Variants in ZCCHC7 observed in about 807,000 individuals in gnomAD.
The protein encoded by ZCCHC7 is zinc finger CCHC domain-containing protein 7.
ZCCHC7 carries 35 observed loss-of-function variants against 52.0 expected under a neutral mutation model. The ratio of observed to expected loss-of-function variants is 0.67; its 90% CI spans 0.51 to 0.89. The LOEUF is 0.89. Among genes scored for constraint, ZCCHC7 ranks in the 40% least tolerant of loss-of-function variants. ZCCHC7 has a pLI of 0.00. For missense variants in ZCCHC7, 574 were observed against 649.1 expected, an observed-to-expected ratio of 0.88 and a Z score of 1.26; for synonymous variants, 217 against 221.5, an observed-to-expected ratio of 0.98 and a Z score of 0.18.
rs185749129 is a variant in ZCCHC7, at chr9:37,166,290, G to A, written c.610+39348G>A. ...GCACACCTGTAGTCCCAGGTACTCG[G>A]GAGGCTGAGGCAGGAGAATTGCTTG... On this transcript the variant is annotated intron_variant, in intron 2 of 8. Transcript: ENST00000336755. Among the ~76,000 whole-genome samples the A allele has an allele frequency of 5.5e-3, 830 of 152,234 alleles. 5 individuals are homozygous for A. The highest frequency in any genetic ancestry group is 0.019 in the African/African-American group (783 of 41,520).
chr9:37,216,530 T>C (rs1462498567), intron 2 of ZCCHC7, among the ~76,000 whole-genome samples: 3 of 151,968 alleles, frequency 2.0e-5, no homozygotes, highest in Non-Finnish European at 1.5e-5. Context: ...CAAAATTAGC[T>C]GGGCATGGTG....
At chr9:37,286,767 A>T (rs1421601481) in intron 2 of ZCCHC7, among the ~76,000 whole-genome samples, 1 of 150,148 alleles carries the variant, frequency 6.7e-6, no homozygotes, top group Non-Finnish European at 1.5e-5. Flanking sequence ...TTTTTTTATT[A>T]ATTTAATCTT....
At chr9:37,317,722 TAAAAAAC>T (rs2117941951) in intron 5 of ZCCHC7, among the ~76,000 whole-genome samples, 1 of 151,854 alleles carries the variant, frequency 6.6e-6, no homozygotes, top group East Asian at 1.9e-4. Context: ...CAAGAAAGTA[TAAAAAAC>T]AAAAAGCATA....
In ZCCHC7 at chr9:37,312,559, A is replaced by G. The variant is rs1377581900; in HGVS notation, c.951+6845A>G. Among the ~76,000 whole-genome samples the G allele has an allele frequency of 6.6e-5, 10 of 152,358 alleles. No individual in the cohort carries two copies. The South Asian group carries it at 2.1e-3, about 32-fold the overall frequency. On this transcript the variant is annotated intron_variant, in intron 5 of 8. Coordinates refer to ENST00000336755, the MANE Select transcript of ZCCHC7 (RefSeq NM_032226.3). ...GTAGAAAGTGTGACGTAGACCTAAG[A>G]AGGGAGCCAAGTAACTGTGTCTTTT...
intron 2 of ZCCHC7, among the ~76,000 whole-genome samples, chr9:37,260,874 A>G (rs1826834012): frequency 6.6e-6 from 1 of 152,212 alleles, no homozygotes. Flanking sequence ...TGGAGTTCAG[A>G]CAAACTGCTC....
intron 2 of ZCCHC7, chr9:37,205,176 GGTTT>G (rs564841638): frequency 3.0e-4 from 107 of 358,548 alleles, no homozygotes; most frequent in Middle Eastern, 2.9e-3. Context: ...GCCCTTAACT[GGTTT>G]GTTTACAACA....
At position 37,204,526 on chromosome 9, in the gene ZCCHC7, G is replaced by C. The variant is rs543037078; in HGVS notation, c.610+77584G>C. On this transcript the variant is annotated intron_variant, in intron 2 of 8. Transcript: ENST00000336755. ...GTCCAATTTCGGTTTTCTGTATATG[G>C]CTAGACAGTTTTCCCAGCACCATTT... Among the ~76,000 whole-genome samples the C allele has an allele frequency of 3.3e-5, 5 of 152,208 alleles. No individual in the cohort carries two copies. In the South Asian group the frequency reaches 6.2e-4, roughly 19 times the overall value.
At chr9:37,277,202 A>G (rs963212621) in intron 2 of ZCCHC7, among the ~76,000 whole-genome samples, 1 of 152,242 alleles carries the variant, frequency 6.6e-6, no homozygotes, top group Non-Finnish European at 1.5e-5. Context: ...AAGTTCTGCT[A>G]CTGGTAATGG....
chr9:37,319,117 A>G (rs952425767), intron 5 of ZCCHC7, among the ~76,000 whole-genome samples: 1 of 151,838 alleles, frequency 6.6e-6, no homozygotes, highest in Non-Finnish European at 1.5e-5. Context: ...TTTAGTTTGC[A>G]TTTTCTAATG....
intron 2 of ZCCHC7, among the ~76,000 whole-genome samples, chr9:37,296,317 G>C (rs1276287440): frequency 6.6e-6 from 1 of 152,134 alleles, no homozygotes; most frequent in African/African-American, 2.4e-5. Flanking sequence ...TAAAAAGAAG[G>C]TGTGGACAAT....
intron 5 of ZCCHC7, among the ~76,000 whole-genome samples, chr9:37,319,353 A>G (rs1829962590): frequency 1.3e-5 from 2 of 152,236 alleles, no homozygotes. Context: ...GTTCTCAGGC[A>G]GAGCAGAAGT....
chr9:37,313,675 G>C (rs1192370749), intron 5 of ZCCHC7, among the ~76,000 whole-genome samples: 1 of 152,156 alleles, frequency 6.6e-6, no homozygotes, highest in African/African-American at 2.4e-5. Flanking sequence ...TCTTGCAATA[G>C]TAAGTTCTCA....
chr9:37,303,741 A>C (rs1829158007), intron 3 of ZCCHC7, among the ~76,000 whole-genome samples: 1 of 128,148 alleles, frequency 7.8e-6, no homozygotes, highest in Non-Finnish European at 1.6e-5. Context: ...TCGGCTCACC[A>C]CATCCTCCGC....
intron 2 of ZCCHC7, among the ~76,000 whole-genome samples, chr9:37,260,286 C>A (rs555053246): frequency 6.6e-6 from 1 of 152,336 alleles, no homozygotes; most frequent in Non-Finnish European, 1.5e-5. Context: ...CATTGCCAAT[C>A]TGGGCTCAGT....
intron 2 of ZCCHC7, among the ~76,000 whole-genome samples, chr9:37,295,484 C>T (rs916270119): frequency 1.3e-5 from 2 of 152,138 alleles, no homozygotes; most frequent in African/African-American, 2.4e-5. Flanking sequence ...GAATGAAAAG[C>T]AGTGTGTGAT....
chr9:37,206,587 A>G (rs1479067490), intron 2 of ZCCHC7, among the ~76,000 whole-genome samples: 1 of 152,116 alleles, frequency 6.6e-6, no homozygotes, highest in African/African-American at 2.4e-5. Flanking sequence ...CCCGGGCTCA[A>G]GCGATCCACT....
intron 2 of ZCCHC7, among the ~76,000 whole-genome samples, chr9:37,170,169 AT>A (rs1821653214): frequency 6.6e-6 from 1 of 152,044 alleles, no homozygotes. Context: ...AGTTGAACTG[AT>A]TTTTCTGGGA....
intron 8 of ZCCHC7, among the ~76,000 whole-genome samples, chr9:37,355,663 T>TA (rs1308950468): frequency 2.6e-5 from 4 of 152,228 alleles, no homozygotes; most frequent in African/African-American, 9.6e-5. Context: ...AATCTGCACT[T>TA]ACTTATGTCC....
intron 2 of ZCCHC7, among the ~76,000 whole-genome samples, chr9:37,163,097 A>G (rs923598796): frequency 6.6e-6 from 1 of 152,182 alleles, no homozygotes; most frequent in South Asian, 2.1e-4. Flanking sequence ...GCCACTCGGG[A>G]GGCTGAGGCA....
Sources: gnomAD v4.1 joint callset for allele counts (sites outside exome capture counted in the v4.1 genomes callset) on GRCh38, gnomAD v4.1.1 for gene constraint, MANE v1.5 for transcripts, NCBI Gene and HGNC (gene_info 2026-07-23, HGNC 2026-07-21) for gene names.